The following COL19A1 variants were observed in gnomAD, a reference collection of about 807,000 sequenced individuals.
COL19A1 encodes the protein collagen alpha-1(XIX) chain.
A neutral mutation model predicts 190.2 loss-of-function variants in COL19A1; 159 were observed. The ratio of observed to expected loss-of-function variants is 0.84; its 90% CI spans 0.73 to 0.95. The LOEUF (loss-of-function observed/expected upper bound fraction) is 0.95, where lower values mean the gene tolerates loss of function less well. Ranked by LOEUF, COL19A1 falls within the 40% of genes least tolerant of loss-of-function variation. COL19A1 has a pLI of 0.00. For synonymous variants in COL19A1, 509 were observed against 458.9 expected (o/e 1.11, Z -1.39); for missense variants, 1,418 against 1,431.9 (o/e 0.99, Z 0.16).
intron 16 of COL19A1, among the ~76,000 whole-genome samples, chr6:70,115,798 T>TG (rs1784528155): frequency 6.8e-6 from 1 of 147,012 alleles, no homozygotes; most frequent in Admixed American, 7.1e-5. Context: ...CAGTTGTTGT[T>TG]TTTTTTGTTT....
Position 70,029,382 on chromosome 6 carries a change from A to G in COL19A1, c.1081-4863A>G, listed in dbSNP as rs372587658. On this transcript the variant is annotated intron_variant, in intron 12 of 50. Transcript: ENST00000620364. ...TTCAGCTTTTGTCTTGCCTTTAGAT[A>G]ACGGTTTCTGCCTCCACATTACATG... Among the ~76,000 whole-genome samples, 4 of 152,140 alleles carry G rather than the reference A, an allele frequency of 2.6e-5. No individual in the cohort carries two copies. The East Asian group carries it at 7.7e-4, about 29-fold the overall frequency.
chr6:70,049,940 C>T (rs1780112886), intron 14 of COL19A1, among the ~76,000 whole-genome samples: 1 of 151,918 alleles, frequency 6.6e-6, no homozygotes, highest in Admixed American at 6.6e-5. Flanking sequence ...TTAAATGGAA[C>T]TAAAAAATGA....
chr6:69,929,000 G>A (rs1471468087), intron 5 of COL19A1, among the ~76,000 whole-genome samples: 4 of 152,028 alleles, frequency 2.6e-5, no homozygotes, highest in Admixed American at 1.3e-4. Context: ...TTAGGGAAAT[G>A]ATCACATTCT....
At position 70,156,130 on chromosome 6, in the gene COL19A1, T is replaced by G. The variant is rs1411345774; in HGVS notation, c.2083T>G (p.Phe695Val). ...LGDIGALLKNFCGNCQASVPG... is the reference protein window; with the variant it reads ...LGDIGALLKNVCGNCQASVPG... ...ACCTTATCTTTATACTCATTAGAAT[T>G]TCTGTGGCAACTGCCAAGCCAGTGT... The change falls in exon 32 of 51, where the codon TTC (phenylalanine) becomes GTC (valine). Residue 695 changes from phenylalanine (F) to valine (V), a missense_variant. Physicochemically the swap from Phe to Val is conservative, Grantham distance 50. Coordinates refer to ENST00000620364, the MANE Select transcript of COL19A1 (RefSeq NM_001858.6). 1 of 1,612,646 alleles carries G rather than the reference T, an allele frequency of 6.2e-7. No individual in the cohort carries two copies. Among genetic ancestry groups the G allele is most frequent in the South Asian group, 1.1e-5 (1 of 91,036 alleles).
intron 11 of COL19A1, among the ~76,000 whole-genome samples, chr6:70,010,015 CT>C (rs1777890586): frequency 6.6e-6 from 1 of 152,080 alleles, no homozygotes; most frequent in African/African-American, 2.4e-5. Context: ...AGAATAAATA[CT>C]TTGTGACTTT....
At position 70,206,909 on chromosome 6, in the gene COL19A1, G is replaced by A; in HGVS notation, c.3232G>A (p.Gly1078Arg). ...PGDPGPQGYRGQKGERGEPGI... is the reference protein window; with the variant it reads ...PGDPGPQGYRRQKGERGEPGI... The stretch of plus-strand genomic sequence containing the variant: ...ATATATTTCTCACTTAGGCTACAGA[G>A]GACAGAAGGGAGAAAGAGGTGAACC... The change falls in exon 50 of 51, where the codon GGA (glycine) becomes AGA (arginine). Residue 1078 changes from glycine to arginine, a missense_variant. By Grantham distance (125) the Gly-to-Arg change is moderately radical. Coordinates refer to ENST00000620364, the MANE Select transcript of COL19A1 (RefSeq NM_001858.6). The A allele has an allele frequency of 1.2e-6, 2 of 1,613,696 alleles. No individual in the cohort carries two copies. Among genetic ancestry groups the A allele is most frequent in the Non-Finnish European group, 1.7e-6 (2 of 1,179,820 alleles).
chr6:69,929,383 A>G (rs752355526), intron 5 of COL19A1, 42 bp from the exon 6 acceptor site: 2 of 1,572,148 alleles, frequency 1.3e-6, no homozygotes, highest in South Asian at 2.3e-5. Context: ...AATTTTGAAC[A>G]TTGATTTTTA....
intron 2 of COL19A1, 138 bp downstream of exon 2, chr6:69,879,796 C>A: frequency 1.3e-6 from 1 of 766,110 alleles, no homozygotes; most frequent in Non-Finnish European, 2.1e-6. Flanking sequence ...TGCTTTCTTC[C>A]ATTGATCTTC....
intron 11 of COL19A1, among the ~76,000 whole-genome samples, chr6:69,993,004 G>A (rs1314745289): frequency 1.3e-5 from 2 of 152,032 alleles, no homozygotes; most frequent in Non-Finnish European, 2.9e-5. Flanking sequence ...GAATGGGAGC[G>A]ATGAGAGAGG....
intron 15 of COL19A1, among the ~76,000 whole-genome samples, chr6:70,098,885 G>A (rs1448521770): frequency 6.6e-6 from 1 of 151,744 alleles, no homozygotes; most frequent in Non-Finnish European, 1.5e-5. Flanking sequence ...GAAGAACAAT[G>A]ATGTCTGGGA....
At chr6:69,933,991 G>A (rs1019017065) in intron 7 of COL19A1, among the ~76,000 whole-genome samples, 4 of 152,020 alleles carry the variant, frequency 2.6e-5, no homozygotes, top group Middle Eastern at 6.8e-3. Flanking sequence ...TTTCATAAAT[G>A]TTCTATACTT....
intron 11 of COL19A1, among the ~76,000 whole-genome samples, chr6:69,994,393 G>A (rs555121216): frequency 3.3e-5 from 5 of 152,206 alleles, no homozygotes; most frequent in Admixed American, 6.5e-5. Context: ...AACAAGGAAC[G>A]AGTTAAAGAC....
intron 31 of COL19A1, among the ~76,000 whole-genome samples, chr6:70,154,504 T>A (rs1279025511): frequency 6.6e-6 from 1 of 152,166 alleles, no homozygotes; most frequent in Non-Finnish European, 1.5e-5. Context: ...CCAGCATTTT[T>A]GAGATGATTT....
chr6:70,122,064 C>A, intron 17 of COL19A1, 122 bp downstream of exon 17: 1 of 574,686 alleles, frequency 1.7e-6, no homozygotes, highest in Non-Finnish European at 3.0e-6. Context: ...TGTATTTAAA[C>A]ATCTTTCCAT....
At chr6:70,202,926 A>G (rs1407920174) in intron 49 of COL19A1, among the ~76,000 whole-genome samples, 1 of 152,164 alleles carries the variant, frequency 6.6e-6, no homozygotes, top group African/African-American at 2.4e-5. Flanking sequence ...GGTTCTGAGT[A>G]TTGGCTTCCT....
chr6:70,002,642 G>A lies in COL19A1; in HGVS notation c.1027-20985G>A, dbSNP rs1777334609. Among the ~76,000 whole-genome samples the A allele has an allele frequency of 2.0e-5, 3 of 150,446 alleles. No homozygotes were observed. The South Asian group carries it at 6.3e-4, about 31-fold the overall frequency. On this transcript the variant is annotated intron_variant, in intron 11 of 50. Transcript: ENST00000620364. Reference sequence around the variant, plus strand: ...ATATCTATTTCTTCTAGATTTTCTAGTTTATTTGTGTAGAGGTGTTTATAG... The same window carrying A: ...ATATCTATTTCTTCTAGATTTTCTAATTTATTTGTGTAGAGGTGTTTATAG...
intron 42 of COL19A1, among the ~76,000 whole-genome samples, chr6:70,179,823 C>T (rs942100607): frequency 6.6e-6 from 1 of 152,132 alleles, no homozygotes; most frequent in Non-Finnish European, 1.5e-5. Flanking sequence ...AAACTTATGG[C>T]CTGCGGAGTT....
intron 16 of COL19A1, among the ~76,000 whole-genome samples, chr6:70,118,213 A>G (rs1283178239): frequency 6.6e-6 from 1 of 152,246 alleles, no homozygotes; most frequent in Non-Finnish European, 1.5e-5. Flanking sequence ...AGAATAGAAG[A>G]TAGAAAAATA....
chr6:70,187,044 A>AT (rs1318622532), intron 46 of COL19A1, among the ~76,000 whole-genome samples: 1 of 151,772 alleles, frequency 6.6e-6, no homozygotes, highest in African/African-American at 2.4e-5. Context: ...CGCCTGGCTA[A>AT]TTTTTTTGTA....
Sources: gnomAD v4.1 joint callset for allele counts (sites outside exome capture counted in the v4.1 genomes callset) on GRCh38, gnomAD v4.1.1 for gene constraint, MANE v1.5 for transcripts, NCBI Gene and HGNC (gene_info 2026-07-23, HGNC 2026-07-21) for gene names.